Variants in DTNA observed in about 807,000 individuals in gnomAD.
The protein encoded by DTNA is dystrobrevin alpha.
Under a neutral mutation model 100.7 loss-of-function variants are expected in DTNA, and 43 were observed. The ratio of observed to expected loss-of-function variants is 0.43; its 90% CI spans 0.33 to 0.55. The LOEUF is 0.55. DTNA is among the 20% of genes least tolerant of loss of function. The pLI is 0.04. For missense variants in DTNA, 798 were observed against 953.9 expected (o/e 0.84, Z 2.15); for synonymous variants, 349 against 347.9 (o/e 1.00, Z -0.04).
At chr18:34,740,763 T>A (rs1429878243) in intron 1 of DTNA, among the ~76,000 whole-genome samples, 2 of 151,686 alleles carry the variant, frequency 1.3e-5, no homozygotes, top group Non-Finnish European at 1.5e-5. Context: ...ACCTCTGCAC[T>A]GCAGCCTAGG....
At chr18:34,693,814 C>A (rs888366728) in intron 1 of DTNA, among the ~76,000 whole-genome samples, 1 of 151,120 alleles carries the variant, frequency 6.6e-6, no homozygotes, top group Non-Finnish European at 1.5e-5. Flanking sequence ...CACTAAACTG[C>A]CCTTTAATGG....
At chr18:34,814,840 T>C (rs2095561527) in intron 6 of DTNA, among the ~76,000 whole-genome samples, 1 of 152,244 alleles carries the variant, frequency 6.6e-6, no homozygotes, top group Non-Finnish European at 1.5e-5. Flanking sequence ...TTATACATGT[T>C]GAAATCATAA....
At chr18:34,749,713 T>C (rs2092121506) in intron 1 of DTNA, among the ~76,000 whole-genome samples, 1 of 151,700 alleles carries the variant, frequency 6.6e-6, no homozygotes, top group African/African-American at 2.4e-5. Flanking sequence ...TAGAAGATGA[T>C]ATTCAAAGTA....
intron 1 of DTNA, among the ~76,000 whole-genome samples, chr18:34,605,806 T>G (rs1470158399): frequency 1.3e-5 from 2 of 152,154 alleles, no homozygotes; most frequent in Non-Finnish European, 2.9e-5. Context: ...AATAGCAACA[T>G]TTCTCTCAAT....
At chr18:34,494,668 G>A (rs1001759881) in intron 1 of DTNA, among the ~76,000 whole-genome samples, 2 of 152,094 alleles carry the variant, frequency 1.3e-5, no homozygotes, top group Non-Finnish European at 2.9e-5. Flanking sequence ...GGGGCGCAGG[G>A]GGAGGGGGCA....
chr18:34,775,619 A>T (rs987242999), intron 3 of DTNA, among the ~76,000 whole-genome samples: 2 of 152,288 alleles, frequency 1.3e-5, no homozygotes, highest in African/African-American at 4.8e-5. Flanking sequence ...GGAAAGTGCC[A>T]CATGCTCAAT....
intron 3 of DTNA, among the ~76,000 whole-genome samples, chr18:34,790,572 T>A (rs1181238927): frequency 1.8e-5 from 2 of 110,932 alleles, no homozygotes; most frequent in East Asian, 2.1e-4. Flanking sequence ...TATATATTTT[T>A]TTTTTTTTTT....
At chr18:34,554,605 A>C (rs1279937698) in intron 1 of DTNA, among the ~76,000 whole-genome samples, 2 of 151,862 alleles carry the variant, frequency 1.3e-5, no homozygotes, top group African/African-American at 4.8e-5. Context: ...ATTTTGTCAA[A>C]GGCCTTCTCT....
chr18:34,555,624 T>C (rs1184240645), intron 1 of DTNA, among the ~76,000 whole-genome samples: 5 of 152,208 alleles, frequency 3.3e-5, no homozygotes, highest in African/African-American at 1.2e-4. Flanking sequence ...TGCCTTCATT[T>C]CGTTATGTAT....
At chr18:34,804,223 T>A (rs62097226) in intron 4 of DTNA, among the ~76,000 whole-genome samples, 5,833 of 152,212 alleles carry the variant, frequency 0.038, 132 homozygotes, top group Non-Finnish European at 0.058. Context: ...CCAGGAGGCG[T>A]TGAACAGTTT....
intron 1 of DTNA, among the ~76,000 whole-genome samples, chr18:34,680,727 A>G (rs1039843073): frequency 6.6e-6 from 1 of 152,220 alleles, no homozygotes; most frequent in Non-Finnish European, 1.5e-5. Flanking sequence ...CCCAGAAGCT[A>G]AACTTGGTGC....
At chr18:34,651,859 T>C (rs892843747) in intron 1 of DTNA, among the ~76,000 whole-genome samples, 2 of 151,994 alleles carry the variant, frequency 1.3e-5, no homozygotes, top group Admixed American at 6.6e-5. Context: ...AGCCCAGAAA[T>C]TTGAGACCAG....
chr18:34,585,063 CA>C (rs1230271074), intron 1 of DTNA, among the ~76,000 whole-genome samples: 2 of 151,888 alleles, frequency 1.3e-5, no homozygotes, highest in African/African-American at 4.8e-5. Context: ...TTAAGTTCTC[CA>C]AAAATGAGTT....
chr18:34,884,089 C>T (rs1426503681), intron 21 of DTNA, among the ~76,000 whole-genome samples: 3 of 152,148 alleles, frequency 2.0e-5, no homozygotes, highest in East Asian at 3.9e-4. Context: ...CATTCCTACA[C>T]ATATCTCCTT....
intron 1 of DTNA, among the ~76,000 whole-genome samples, chr18:34,570,349 C>G (rs1230012351): frequency 6.6e-6 from 1 of 152,194 alleles, no homozygotes; most frequent in Non-Finnish European, 1.5e-5. Context: ...TCTCTGAAAG[C>G]AGCGACAGAG....
chr18:34,837,921 T>C (rs769060108), intron 11 of DTNA, among the ~76,000 whole-genome samples, 173 bp from the exon 12 acceptor site: 5 of 152,262 alleles, frequency 3.3e-5, no homozygotes, highest in Non-Finnish European at 7.3e-5. Flanking sequence ...GCTGGGTTTC[T>C]ATTCCTACTT....
At chr18:34,608,041 G>A (rs1598980476) in intron 1 of DTNA, among the ~76,000 whole-genome samples, 1 of 152,170 alleles carries the variant, frequency 6.6e-6, no homozygotes, top group Non-Finnish European at 1.5e-5. Flanking sequence ...TATGATGGAT[G>A]CCAATTAAGG....
At position 34,736,494 on chromosome 18, in the gene DTNA, A is replaced by T. The variant is rs1601115578; in HGVS notation, c.-1-19482A>T. ...TGGATCTTAAAATGGAGTCACAGAT[A>T]AGAAGAAAAAATGGAAGATTGTACA... On this transcript the variant is annotated intron_variant, in intron 1 of 22. Transcript: ENST00000444659. Among the ~76,000 whole-genome samples, 4 of 152,326 alleles carry T rather than the reference A, an allele frequency of 2.6e-5. No homozygotes were observed. The East Asian group carries it at 7.7e-4, about 29-fold the overall frequency.
At chr18:34,872,566 A>G (rs2096775908) in intron 17 of DTNA, among the ~76,000 whole-genome samples, 1 of 152,246 alleles carries the variant, frequency 6.6e-6, no homozygotes, top group African/African-American at 2.4e-5. Flanking sequence ...TGGAATGACC[A>G]GTGTTTGTCA....
Sources: allele counts gnomAD v4.1 joint callset (sites outside exome capture counted in the v4.1 genomes callset), GRCh38; gene constraint gnomAD v4.1.1; transcripts MANE v1.5; gene names NCBI Gene and HGNC (gene_info 2026-07-23, HGNC 2026-07-21).